The following CELSR3 variants were observed in gnomAD, a reference collection of about 807,000 sequenced individuals.
CELSR3 encodes the protein cadherin EGF LAG seven-pass G-type receptor 3.
Under a neutral mutation model 270.0 loss-of-function variants are expected in CELSR3, and 73 were observed. The ratio of observed to expected loss-of-function variants is 0.27; its 90% confidence interval spans 0.22 to 0.33. CELSR3 has a LOEUF of 0.33. Ranked by LOEUF, CELSR3 falls within the 10% of genes least tolerant of loss-of-function variation. The pLI, the probability that CELSR3 is intolerant of heterozygous loss-of-function variation, is 1.00. For missense variants in CELSR3, 3,614 were observed against 4,533.8 expected (o/e 0.80, Z 5.83); for synonymous variants, 1,780 against 1,905.4 (o/e 0.93, Z 1.71).
chr3:48,658,754 G>T lies in CELSR3; in HGVS notation c.3748+133C>A. The T allele has an allele frequency of 9.8e-7, 1 of 1,025,024 alleles. No individual in the cohort carries two copies. Among genetic ancestry groups the T allele is most frequent in the Non-Finnish European group, 1.4e-6 (1 of 705,678 alleles). 63.5% of individuals were successfully genotyped at this position (1,025,024 alleles called of 1,614,324 possible). Reference sequence around the variant, plus strand: ...GTGAGGTCTGTGGCAGATCTTGTAGGGTGCAGGAACCCTACCCTTAAGGGG... The same window carrying T: ...GTGAGGTCTGTGGCAGATCTTGTAGTGTGCAGGAACCCTACCCTTAAGGGG... On this transcript the variant is annotated intron_variant, in intron 1 of 34. Transcript: ENST00000164024. This position sits in a 1 kb window ranked among gnomAD's most constrained non-coding sequence, Gnocchi z 4.7.
rs1423527402 is a variant in CELSR3, at chr3:48,641,706, G to T, written c.8824+145C>A. ...GAGCTCCCTCCCCTTAACTGGAGGT[G>T]GACAGAGACTAAAAGTTGGGGAACC... On this transcript the variant is annotated intron_variant, in intron 32 of 34. Coordinates refer to ENST00000164024, the MANE Select transcript of CELSR3 (RefSeq NM_001407.3). This position sits in a 1 kb window ranked among gnomAD's most constrained non-coding sequence, Gnocchi z 4.8. 3 of 921,120 alleles carry T rather than the reference G, an allele frequency of 3.3e-6. No homozygotes were observed. The highest frequency in any genetic ancestry group is 5.4e-5 in the East Asian group (2 of 37,134). 57.1% of individuals were successfully genotyped at this position (921,120 alleles called of 1,614,324 possible).
At position 48,640,640 on chromosome 3, in the gene CELSR3, C is replaced by T. The variant is rs1575537620; in HGVS notation, c.9026-81G>A. ...GGAATTGCTGAGTCTAGGGGTGTGG[C>T]AGCCCTTGGGATCCTTCCAACACAG... On this transcript the variant is annotated intron_variant, in intron 33 of 34. Coordinates refer to ENST00000164024, the MANE Select transcript of CELSR3 (RefSeq NM_001407.3). The surrounding 1 kb of genome is among the most constrained non-coding windows in gnomAD (Gnocchi z 7.5). The T allele has an allele frequency of 6.4e-6, 9 of 1,414,186 alleles. No homozygotes were observed. In the East Asian group the frequency reaches 1.3e-4, roughly 20 times the overall value. 87.6% of individuals were successfully genotyped at this position (1,414,186 alleles called of 1,614,324 possible). A position where few individuals can be genotyped will look rare whatever the true frequency, so the allele number is the denominator to read the frequency against.
rs780795911 is a variant in CELSR3 at position 48,641,576 on chromosome 3, A to G, written c.8825-52T>C. On this transcript the variant is annotated intron_variant, in intron 32 of 34. Coordinates refer to ENST00000164024, the MANE Select transcript of CELSR3 (RefSeq NM_001407.3). This position sits in a 1 kb window ranked among gnomAD's most constrained non-coding sequence, Gnocchi z 4.8. ...GCTTCTGGGTTGATCCCAGTGACTCATGACCCCTGACCCTAATGACCCTTG... is the reference window on the plus strand; with the variant it reads ...GCTTCTGGGTTGATCCCAGTGACTCGTGACCCCTGACCCTAATGACCCTTG... 6.6e-6 allele frequency: 9 copies of G among 1,365,614 alleles called. No homozygotes were observed. In the Admixed American group the frequency reaches 1.4e-4, roughly 21 times the overall value. The allele number at this position is 1,365,614 out of a possible 1,614,324, so 84.6% of individuals were successfully genotyped here.
In CELSR3 at chr3:48,661,576, G is replaced by C. The variant is rs762130461; in HGVS notation, c.1059C>G (p.Asp353Glu). Reference protein sequence around the residue: ...AVLRVVAQDPDAGEAGRLVYS... With the variant: ...AVLRVVAQDPEAGEAGRLVYS... ...AGACTAGGCGCCCGGCCTCGCCGGC[G>C]TCCGGGTCCTGAGCAACCACGCGTA... The change falls in exon 1 of 35, where the codon GAC (aspartate) becomes GAG (glutamate). Residue 353 changes from aspartate to glutamate, a missense_variant. Physicochemically the swap from Asp to Glu is conservative, Grantham distance 45 (BLOSUM62 2). Transcript: ENST00000164024. The C allele has an allele frequency of 1.2e-6, 2 of 1,609,056 alleles. No individual in the cohort carries two copies. The highest frequency in any genetic ancestry group is 1.7e-6 in the Non-Finnish European group (2 of 1,179,040).
rs2047178014 is a variant in CELSR3, at chr3:48,656,070, TC to T, written c.4625+69del. On this transcript the variant is annotated intron_variant, in intron 3 of 34. Coordinates refer to ENST00000164024, the MANE Select transcript of CELSR3 (RefSeq NM_001407.3). ...TCATGGGGATGCCAGGACGGGGCAG[TC>T]AGGAATCTGAGTCAGGGCGGGTAGG... 2.8e-6 allele frequency: 4 copies of T among 1,413,142 alleles called. No individual in the cohort carries two copies. The East Asian group carries it at 1.0e-4, about 37-fold the overall frequency. The allele number at this position is 1,413,142 out of a possible 1,614,324, so 87.5% of individuals were successfully genotyped here.
Position 48,645,851 on chromosome 3 carries a change from A to G in CELSR3, c.7481T>C (p.Val2494Ala), listed in dbSNP as rs1461799014. The part of the protein sequence containing the change: ...DPPGLAEQHG[V>A]WTARDCELVH... ...CAGCTCGCAGTCCCGTGCTGTCCACACACCATGCTGCTCCGCCCTGCAGCC... is the reference window on the plus strand; with the variant it reads ...CAGCTCGCAGTCCCGTGCTGTCCACGCACCATGCTGCTCCGCCCTGCAGCC... Residue 2494 changes from valine to alanine, a missense_variant, in exon 23 of 35, where the codon GTG (valine) becomes GCG (alanine). By Grantham distance (64) the Val-to-Ala change is moderately conservative (BLOSUM62 0). This residue lies in a region of CELSR3 where 1,240 missense variants were observed against 1,351.7 expected (regional missense o/e 0.92). Coordinates refer to ENST00000164024, the MANE Select transcript of CELSR3 (RefSeq NM_001407.3). This position sits in a 1 kb window ranked among gnomAD's most constrained non-coding sequence, Gnocchi z 5.4. 3.1e-6 allele frequency: 5 copies of G among 1,604,466 alleles called. No homozygotes were observed. The South Asian group carries it at 3.3e-5, about 11-fold the overall frequency.
In CELSR3 at chr3:48,654,629, C is replaced by T. The variant is rs920609986; in HGVS notation, c.4989-177G>A. On this transcript the variant is annotated intron_variant, in intron 6 of 34. Coordinates refer to ENST00000164024, the MANE Select transcript of CELSR3 (RefSeq NM_001407.3). The surrounding 1 kb of genome is among the most constrained non-coding windows in gnomAD (Gnocchi z 5.4). ...TTCAGTTGGGGTGCAAAGGGGCACC[C>T]GTGATGGGCCGATGGTCTGGGGAAA... is the stretch of plus-strand genomic sequence containing the variant. 2.0e-5 allele frequency among the ~76,000 whole-genome samples: 3 copies of T among 151,874 alleles called. No individual in the cohort carries two copies. Among genetic ancestry groups the T allele is most frequent in the Admixed American group, 6.6e-5 (1 of 15,252 alleles).
chr3:48,656,921 G>GGACGCGC lies in CELSR3; in HGVS notation c.4175_4176insGCGCGTC (p.Val1393ArgfsTer7). 1 of 1,611,022 alleles carries GGACGCGC rather than the reference G, an allele frequency of 6.2e-7. No homozygotes were observed. Among genetic ancestry groups the GGACGCGC allele is most frequent in the Non-Finnish European group, 8.5e-7 (1 of 1,178,578 alleles). On this transcript the variant is annotated frameshift_variant, in exon 2 of 35. Coordinates refer to ENST00000164024, the MANE Select transcript of CELSR3 (RefSeq NM_001407.3). LOFTEE classifies it high-confidence loss of function. ...GCGCGGACGAGTCAAAGCGGAGCAC[G>GGACGCGC]GACACGCATTTCATGTAGTTCTCAC... is the stretch of plus-strand genomic sequence containing the variant.
At position 48,656,683 on chromosome 3, in the gene CELSR3, C is replaced by A; in HGVS notation, c.4399+15G>T. On this transcript the variant is annotated intron_variant, in intron 2 of 34. Transcript: ENST00000164024. ...GCCCGTGCTTCCCCCAGCTCTGGCC[C>A]GGCGCCCTGCTCACCGGTGAAGCGC... The A allele has an allele frequency of 6.8e-7, 1 of 1,469,132 alleles. No homozygotes were observed. The highest frequency in any genetic ancestry group is 1.4e-5 in the South Asian group (1 of 71,328). 91.0% of individuals were successfully genotyped at this position (1,469,132 alleles called of 1,614,324 possible).
Position 48,646,817 on chromosome 3 carries a change from C to T in CELSR3, c.7241G>A (p.Arg2414His). 6.2e-7 allele frequency: 1 copy of T among 1,606,942 alleles called. No individual in the cohort carries two copies. The highest frequency in any genetic ancestry group is 8.5e-7 in the Non-Finnish European group (1 of 1,177,562). The change falls in exon 21 of 35, where the codon CGC (arginine) becomes CAC (histidine). Residue 2414 changes from arginine to histidine, a missense_variant. Physicochemically the swap from Arg to His is conservative, Grantham distance 29 (BLOSUM62 0). This residue lies in a region of CELSR3 where 1,240 missense variants were observed against 1,351.7 expected (regional missense o/e 0.92). Coordinates refer to ENST00000164024, the MANE Select transcript of CELSR3 (RefSeq NM_001407.3). This position sits in a 1 kb window ranked among gnomAD's most constrained non-coding sequence, Gnocchi z 4.8. Reference protein sequence around the residue: ...GISIIILLVYRTLGGLLPAQF... With the variant: ...GISIIILLVYHTLGGLLPAQF... Reference sequence around the variant, plus strand: ...GGCAGGGAGCAGTCCCCCTAAGGTGCGGTAAACGAGGAGAATGATAATGGA... The same window carrying T: ...GGCAGGGAGCAGTCCCCCTAAGGTGTGGTAAACGAGGAGAATGATAATGGA...
rs1188862355 is a variant in CELSR3, at chr3:48,661,360, G to A, written c.1275C>T (p.Asp425=). ...CAAAAACCGGCGAGTGGTCGTTGCG[G>A]TCGGCTACTGTCACGGCCACCATCG... ...ATTMVAVTVA[D]RNDHSPVFEQ... is the part of the protein sequence containing the mutation. Residue 425 remains aspartate, a synonymous_variant, in exon 1 of 35, where the codon GAC becomes GAT. Transcript: ENST00000164024. 1 of 1,612,916 alleles carries A rather than the reference G, an allele frequency of 6.2e-7. No homozygotes were observed. The highest frequency in any genetic ancestry group is 8.5e-7 in the Non-Finnish European group (1 of 1,179,870).
At chr3:48,649,072 C>G in intron 17 of CELSR3, 49 bp downstream of exon 17, 1 of 1,572,912 alleles carries the variant, frequency 6.4e-7, no homozygotes, top group Non-Finnish European at 8.7e-7. Flanking sequence ...GGGCCCACCA[C>G]AGGCCAAGGA....
At position 48,655,197 on chromosome 3, in the gene CELSR3, C is replaced by T. The variant is rs373621912; in HGVS notation, c.4835G>A (p.Arg1612Gln). The T allele has an allele frequency of 4.3e-6, 7 of 1,613,832 alleles. No individual in the cohort carries two copies. The Admixed American group carries it at 5.0e-5, about 12-fold the overall frequency. ...TVHLRYYNKP[R>Q]TDALGGAQGP... is the part of the protein sequence containing the mutation. Reference sequence around the variant, plus strand: ...CTGTGCACCCCCTAGGGCATCTGTCCGGGGCTGAAGACGCAGGCACACCAG... The same window carrying T: ...CTGTGCACCCCCTAGGGCATCTGTCTGGGGCTGAAGACGCAGGCACACCAG... The change falls in exon 6 of 35, where the codon CGG becomes CAG. Residue 1612 changes from arginine to glutamine, a missense_variant. By Grantham distance (43) the Arg-to-Gln change is conservative. Transcript: ENST00000164024. This position sits in a 1 kb window ranked among gnomAD's most constrained non-coding sequence, Gnocchi z 5.8.
rs2077065314 is a variant in CELSR3, at chr3:48,661,414, G to A, written c.1221C>T (p.Asp407=). ...TGGCCGAGAGGCGCGGCGACCCGTGGTCCTGCGCGGTCACACGCAGGTAGT... is the reference window on the plus strand; with the variant it reads ...TGGCCGAGAGGCGCGGCGACCCGTGATCCTGCGCGGTCACACGCAGGTAGT... ...ERHYLRVTAQ[D]HGSPRLSATT... The change falls in exon 1 of 35, where the codon GAC becomes GAT. Residue 407 remains aspartate, a synonymous_variant. Transcript: ENST00000164024. 6.2e-7 allele frequency: 1 copy of A among 1,612,262 alleles called. No homozygotes were observed. The highest frequency in any genetic ancestry group is 8.5e-7 in the Non-Finnish European group (1 of 1,179,758).
At chr3:48,648,238 GCCC>G in intron 19 of CELSR3, 25 bp downstream of exon 19, 5 of 1,342,608 alleles carry the variant, frequency 3.7e-6, no homozygotes, top group Non-Finnish European at 4.2e-6. Context: ...CCCCTGCTGT[GCCC>G]CGCCCTACCC....
In CELSR3 at chr3:48,641,916, C is replaced by A. The variant is rs752345322; in HGVS notation, c.8759G>T (p.Arg2920Leu). 7 of 1,595,182 alleles carry A rather than the reference C, an allele frequency of 4.4e-6. No homozygotes were observed. The highest frequency in any genetic ancestry group is 6.0e-6 in the Non-Finnish European group (7 of 1,172,238). Residue 2920 changes from arginine to leucine, a missense_variant, in exon 32 of 35, where the codon CGG becomes CTG. By Grantham distance (102) the Arg-to-Leu change is moderately radical (BLOSUM62 -2). Around this residue, in one of 7 missense-constraint regions of CELSR3, gnomAD observed 1,240 missense variants for 1,351.7 expected, o/e 0.92. Transcript: ENST00000164024. The surrounding 1 kb of genome is among the most constrained non-coding windows in gnomAD (Gnocchi z 4.8). ...GCAGAGTGGCCGTTGGAAGCGCCCC[C>A]GCGTCCGGCCATTGTCCTCGCTTTC... ...SSESEDNGRTRGRFQRPLCRA... is the reference protein window; with the variant it reads ...SSESEDNGRTLGRFQRPLCRA...
Position 48,661,824 on chromosome 3 carries a change from G to C in CELSR3, c.811C>G (p.Pro271Ala), listed in dbSNP as rs1392869055. ...APRESRTAPE[P>A]APKRMRSRGL... ...CGGGAGCGCATGCGCTTGGGCGCCG[G>C]CTCGGGAGCTGTCCGAGACTCGCGG... The change falls in exon 1 of 35, where the codon CCG becomes GCG. Residue 271 changes from proline (P) to alanine (A), a missense_variant. Physicochemically the swap from Pro to Ala is conservative, Grantham distance 27 (BLOSUM62 -1). Coordinates refer to ENST00000164024, the MANE Select transcript of CELSR3 (RefSeq NM_001407.3). The C allele has an allele frequency of 6.2e-7, 1 of 1,609,416 alleles. No individual in the cohort carries two copies. The highest frequency in any genetic ancestry group is 1.1e-5 in the South Asian group (1 of 90,976).
At chr3:48,656,517 T>C in intron 2 of CELSR3, 152 bp from the exon 3 acceptor site, 4 of 1,132,344 alleles carry the variant, frequency 3.5e-6, no homozygotes, top group Non-Finnish European at 4.7e-6. Context: ...CCCCGCCCCC[T>C]CCCCAGTCTC....
At position 48,642,147 on chromosome 3, in the gene CELSR3, C is replaced by G. The variant is rs114112415; in HGVS notation, c.8666-138G>C. The G allele has an allele frequency of 3.4e-3, 3,092 of 899,904 alleles. 58 individuals are homozygous for G. In the African/African-American group the frequency reaches 0.046, roughly 13 times the overall value. The allele number at this position is 899,904 out of a possible 1,614,324, so 55.7% of individuals were successfully genotyped here. A position where few individuals can be genotyped will look rare whatever the true frequency, so the allele number is the denominator to read the frequency against. On this transcript the variant is annotated intron_variant, in intron 31 of 34. Transcript: ENST00000164024. This position sits in a 1 kb window ranked among gnomAD's most constrained non-coding sequence, Gnocchi z 6.1. Reference sequence around the variant, plus strand: ...GAACCGGGGCTTGAAGTGGAGGTAGCAGCAGAAGGGCTGGGACTTATCAGA... The same window carrying G: ...GAACCGGGGCTTGAAGTGGAGGTAGGAGCAGAAGGGCTGGGACTTATCAGA...
Sources: gnomAD v4.1 joint callset for allele counts (sites outside exome capture counted in the v4.1 genomes callset) on GRCh38, gnomAD v4.1.1 for gene constraint, gnomAD v4.1.1 regional missense constraint, Gnocchi (gnomAD v3.1) non-coding constraint, MANE v1.5 for transcripts, NCBI Gene and HGNC (gene_info 2026-07-23, HGNC 2026-07-21) for gene names.